NADSYN1: variants seen among roughly 807,000 people sequenced by gnomAD.
NADSYN1 encodes NAD synthetase 1.
A neutral mutation model predicts 99.3 loss-of-function variants in NADSYN1; 80 were observed. The ratio of observed to expected loss-of-function variants is 0.81; its 90% CI spans 0.67 to 0.97. NADSYN1 has a LOEUF of 0.97. NADSYN1 is among the 50% of genes least tolerant of loss of function. The pLI, the probability that NADSYN1 is intolerant of heterozygous loss-of-function variation, is 0.00. For synonymous variants in NADSYN1, 385 were observed against 372.1 expected, an observed-to-expected ratio of 1.03 and a Z score of -0.40; for missense variants, 859 against 948.5, an observed-to-expected ratio of 0.91 and a Z score of 1.24.
chr11:71,501,658 G>A lies in NADSYN1; in HGVS notation c.*306G>A. On this transcript the variant is annotated 3_prime_UTR_variant, in exon 21 of 21. Coordinates refer to ENST00000319023, the MANE Select transcript of NADSYN1 (RefSeq NM_018161.5). ...AGGGTTCCAACCGCCGCCCCGTGTG[G>A]CATCTTTGCTGCAGGAACAAGAACA... 1 of 413,374 alleles carries A rather than the reference G, an allele frequency of 2.4e-6. No homozygotes were observed. Among genetic ancestry groups the A allele is most frequent in the Non-Finnish European group, 4.4e-6 (1 of 228,746 alleles). 25.6% of individuals were successfully genotyped at this position (413,374 alleles called of 1,614,324 possible).
At chr11:71,498,612 C>T in intron 20 of NADSYN1, 84 bp downstream of exon 20, 1 of 1,485,208 alleles carries the variant, frequency 6.7e-7, no homozygotes, top group Non-Finnish European at 9.2e-7. Context: ...GATTGAAAAA[C>T]TTTCTTATAT....
intron 18 of NADSYN1, among the ~76,000 whole-genome samples, chr11:71,492,314 T>G (rs986205113): frequency 5.3e-5 from 8 of 152,198 alleles, no homozygotes; most frequent in Admixed American, 5.2e-4. Flanking sequence ...GAAGTGGCTG[T>G]GGGCTTTTTA....
At chr11:71,458,719 A>T in intron 3 of NADSYN1, 175 bp downstream of exon 3, 1 of 570,748 alleles carries the variant, frequency 1.8e-6, no homozygotes, top group Non-Finnish European at 3.2e-6. Flanking sequence ...AAGCCACCTC[A>T]TTTCCCCTGC....
At chr11:71,486,405 A>G (rs1949743533) in intron 16 of NADSYN1, among the ~76,000 whole-genome samples, 1 of 151,930 alleles carries the variant, frequency 6.6e-6, no homozygotes, top group Non-Finnish European at 1.5e-5. Context: ...TCATCCACCC[A>G]TCTGTCTGTC....
intron 3 of NADSYN1, among the ~76,000 whole-genome samples, chr11:71,459,231 G>GGT (rs1949533329): frequency 2.7e-5 from 4 of 146,578 alleles, no homozygotes; most frequent in African/African-American, 7.6e-5. Flanking sequence ...CTGCATAGCC[G>GGT]CCCCTATGGA....
At chr11:71,476,566 C>T in intron 9 of NADSYN1, 2 of 752,028 alleles carry the variant, frequency 2.7e-6, no homozygotes, top group African/African-American at 3.7e-5. Flanking sequence ...CGGGGGCAGG[C>T]AAGGGTGTGG....
intron 17 of NADSYN1, 30 bp downstream of exon 17, chr11:71,491,006 A>AGCCACGGGGCTCCTCTCCCAGCACG: frequency 6.2e-7 from 1 of 1,612,876 alleles, no homozygotes; most frequent in Non-Finnish European, 8.5e-7. Context: ...GTGGCTCCAC[A>AGCCACGGGGCTCCTCTCCCAGCACG]GCCACGGGGC....
rs1190554533 is a variant in NADSYN1 at position 71,464,132 on chromosome 11, T to C, written c.397T>C (p.Ser133Pro). 6.2e-7 allele frequency: 1 copy of C among 1,609,010 alleles called. No individual in the cohort carries two copies. The highest frequency in any genetic ancestry group is 1.7e-5 in the Admixed American group (1 of 59,474). The change falls in exon 5 of 21, where the codon TCG (serine) becomes CCG (proline). Residue 133 changes from serine (S) to proline (P), a missense_variant. Transcript: ENST00000319023. ...YRELRWFTPWSRSRHTEEYFL... is the reference protein window; with the variant it reads ...YRELRWFTPWPRSRHTEEYFL... ...CGAGCTGCGCTGGTTCACCCCGTGG[T>C]CGAGGAGTCGGTGAGTCGGGTGCCT...
chr11:71,477,610 C>T (rs1222216642), intron 9 of NADSYN1, among the ~76,000 whole-genome samples: 1 of 152,184 alleles, frequency 6.6e-6, no homozygotes, highest in African/African-American at 2.4e-5. Context: ...AAGGAATAAC[C>T]CCTATGAGTT....
chr11:71,488,406 G>A (rs1949758239), intron 16 of NADSYN1, among the ~76,000 whole-genome samples: 1 of 152,074 alleles, frequency 6.6e-6, no homozygotes, highest in Non-Finnish European at 1.5e-5. Context: ...GAGGGTGGGT[G>A]GAGAAGAGCC....
At position 71,478,468 on chromosome 11, in the gene NADSYN1, C is replaced by T. The variant is rs369703615; in HGVS notation, c.872C>T (p.Ala291Val). ...GCGGAGATTTCATCTCGAAACCTGGCGGTGAGTGCTCCAGTAGACACCTGT... is the reference window on the plus strand; with the variant it reads ...GCGGAGATTTCATCTCGAAACCTGGTGGTGAGTGCTCCAGTAGACACCTGT... ...YRAEISSRNLAASRASPYPRV... is the reference protein window; with the variant it reads ...YRAEISSRNLVASRASPYPRV... Residue 291 changes from alanine to valine, a missense_variant and splice_region_variant, in exon 10 of 21, where the codon GCG becomes GTG. Coordinates refer to ENST00000319023, the MANE Select transcript of NADSYN1 (RefSeq NM_018161.5). 200 of 1,600,570 alleles carry T rather than the reference C, an allele frequency of 1.2e-4. No individual in the cohort carries two copies. The highest frequency in any genetic ancestry group is 1.6e-4 in the Non-Finnish European group (184 of 1,173,412).
In NADSYN1 at chr11:71,497,695, G is replaced by T. The variant is rs1591138018; in HGVS notation, c.1893+84G>T. 2.0e-6 allele frequency: 3 copies of T among 1,535,322 alleles called. No homozygotes were observed. The Admixed American group carries it at 5.1e-5, about 26-fold the overall frequency. Reference sequence around the variant, plus strand: ...AGGCCGGTTTGACCTGTAGGAACAAGTAGATAACAGTGTGACCCTAACGTA... The same window carrying T: ...AGGCCGGTTTGACCTGTAGGAACAATTAGATAACAGTGTGACCCTAACGTA... On this transcript the variant is annotated intron_variant, in intron 19 of 20. Coordinates refer to ENST00000319023, the MANE Select transcript of NADSYN1 (RefSeq NM_018161.5).
chr11:71,458,742 C>T (rs1949529579), intron 3 of NADSYN1, 198 bp downstream of exon 3: 5 of 548,554 alleles, frequency 9.1e-6, no homozygotes, highest in Non-Finnish European at 1.7e-5. Flanking sequence ...GGAGGGAGCT[C>T]CTGAAAGCAG....
At chr11:71,460,506 A>T (rs1949544101) in intron 3 of NADSYN1, among the ~76,000 whole-genome samples, 1 of 152,100 alleles carries the variant, frequency 6.6e-6, no homozygotes, top group South Asian at 2.1e-4. Flanking sequence ...GCACACCAGT[A>T]CACCTGGCTA....
intron 3 of NADSYN1, chr11:71,460,811 C>A (rs188617656): frequency 6.6e-6 from 1 of 152,196 alleles, no homozygotes; most frequent in Non-Finnish European, 1.5e-5. Context: ...TTTCTTCAAA[C>A]GGTCCTCAAG....
chr11:71,483,167 C>T (rs1949720627), intron 14 of NADSYN1, 150 bp downstream of exon 14: 9 of 906,300 alleles, frequency 9.9e-6, no homozygotes, highest in Non-Finnish European at 1.2e-5. Context: ...TGCTCCATCC[C>T]TTTTTGTGGG....
At position 71,468,700 on chromosome 11, in the gene NADSYN1, AAGAC is replaced by A. The variant is rs549852999; in HGVS notation, c.408-3745_408-3742del. On this transcript the variant is annotated intron_variant, in intron 5 of 20. Coordinates refer to ENST00000319023, the MANE Select transcript of NADSYN1 (RefSeq NM_018161.5). Reference sequence around the variant, plus strand: ...AAAATGGATACAATAATTTGATTAAAAGACAGAGGTCATTATTCTGGATTAAATG... The same window carrying A: ...AAAATGGATACAATAATTTGATTAAAAGAGGTCATTATTCTGGATTAAATG... 2.0e-4 allele frequency among the ~76,000 whole-genome samples: 30 copies of A among 152,358 alleles called. No individual in the cohort carries two copies. The East Asian group carries it at 5.6e-3, about 28-fold the overall frequency.
At chr11:71,479,978 A>T (rs936866281) in intron 10 of NADSYN1, 1 of 152,218 alleles carries the variant, frequency 6.6e-6, no homozygotes, top group African/African-American at 2.4e-5. Flanking sequence ...ACACGTGTTC[A>T]TTCACTCTTC....
rs1591139596 is a variant in NADSYN1, at chr11:71,501,208, G to A, written c.2071-94G>A. 11 of 1,202,924 alleles carry A rather than the reference G, an allele frequency of 9.1e-6. No homozygotes were observed. The East Asian group carries it at 3.0e-4, about 33-fold the overall frequency. The allele number at this position is 1,202,924 out of a possible 1,614,324, so 74.5% of individuals were successfully genotyped here. On this transcript the variant is annotated intron_variant, in intron 20 of 20. Coordinates refer to ENST00000319023, the MANE Select transcript of NADSYN1 (RefSeq NM_018161.5). ...TCTGGTAATTTACTTTTTCACCTCT[G>A]GGACTTGTGACCCGCTTTTGGTGCG...
Sources: allele counts gnomAD v4.1 joint callset (sites outside exome capture counted in the v4.1 genomes callset), GRCh38; gene constraint gnomAD v4.1.1; transcripts MANE v1.5; gene names NCBI Gene and HGNC (gene_info 2026-07-23, HGNC 2026-07-21).